Variants in TRIM5 observed in about 807,000 individuals in gnomAD.
TRIM5 encodes the protein tripartite motif containing 5.
Under a neutral mutation model 35.6 loss-of-function variants are expected in TRIM5, and 31 were observed. The ratio of observed to expected loss-of-function variants is 0.87; its 90% CI spans 0.65 to 1.18. The LOEUF (loss-of-function observed/expected upper bound fraction) is 1.18. Among genes scored for constraint, TRIM5 ranks in the 50% most tolerant of loss-of-function variants. The probability of loss-of-function intolerance (pLI) is 0.00; values close to 1 mark genes in which losing one functional copy is unlikely to be tolerated. For missense variants in TRIM5, 609 were observed against 591.6 expected, an observed-to-expected ratio of 1.03 and a Z score of -0.31; for synonymous variants, 243 against 215.6, an observed-to-expected ratio of 1.13 and a Z score of -1.11.
the TRIM5 span, among the ~76,000 whole-genome samples, chr11:5,607,073 G>A: frequency 1.3e-5 from 2 of 151,908 alleles, no homozygotes; most frequent in East Asian, 1.9e-4. Flanking sequence ...GCGTGGTGGC[G>A]GGCGCCTGTA....
At chr11:5,598,079 T>G in the TRIM5 span, among the ~76,000 whole-genome samples, 11 of 152,186 alleles carry the variant, frequency 7.2e-5, no homozygotes, top group African/African-American at 2.4e-4. Context: ...GGCTCTTTCT[T>G]CTGCTAATTT....
the TRIM5 span, among the ~76,000 whole-genome samples, chr11:5,618,567 T>C: frequency 6.6e-6 from 1 of 152,058 alleles, no homozygotes; most frequent in African/African-American, 2.4e-5. Context: ...CAAAATAAAA[T>C]CATTTCATAT....
chr11:5,665,199 G>A lies in TRIM5; in HGVS notation c.1092C>T (p.Asp364=), dbSNP rs771111675. ...ITSGKHYWEV[D]VSKKTAWILG... The stretch of plus-strand genomic sequence containing the variant: ...GGATCCAAGCAGTTTTCTTGGACAC[G>A]TCTACCTCCCAGTAATGTTTCCCTG... The change falls in exon 8 of 8, where the codon GAC becomes GAT. Residue 364 remains aspartate (D), a synonymous_variant. Coordinates refer to ENST00000380034, the MANE Select transcript of TRIM5 (RefSeq NM_033034.3). The A allele has an allele frequency of 8.1e-6, 13 of 1,613,970 alleles. No homozygotes were observed. The highest frequency in any genetic ancestry group is 3.3e-5 in the South Asian group (3 of 91,068).
At chr11:5,676,725 A>C (rs1300125125) in intron 4 of TRIM5, among the ~76,000 whole-genome samples, 1 of 149,882 alleles carries the variant, frequency 6.7e-6, no homozygotes, top group East Asian at 1.9e-4. Flanking sequence ...ACAGTAACCA[A>C]AACAGCATGG....
chr11:5,682,142 G>A (rs1209880514), intron 1 of TRIM5, among the ~76,000 whole-genome samples: 3 of 152,024 alleles, frequency 2.0e-5, no homozygotes, highest in East Asian at 2.0e-4. Context: ...GGTGGCTCAC[G>A]CTTGTAATCC....
At chr11:5,650,017 C>T in the TRIM5 span, among the ~76,000 whole-genome samples, 1 of 152,168 alleles carries the variant, frequency 6.6e-6, no homozygotes. Context: ...CCCTTTGCTA[C>T]ACTTTATTTC....
the TRIM5 span, chr11:5,643,224 A>G: frequency 6.2e-7 from 1 of 1,613,468 alleles, no homozygotes; most frequent in Non-Finnish European, 8.5e-7. Context: ...ATCTGTGCCA[A>G]TTTGGCCTTT....
At chr11:5,611,789 T>TGC in the TRIM5 span, 1 of 165,944 alleles carries the variant, frequency 6.0e-6, no homozygotes. Context: ...AGTACTAGGA[T>TGC]GCACCCAGTG....
the TRIM5 span, among the ~76,000 whole-genome samples, chr11:5,636,593 C>A: frequency 6.6e-6 from 1 of 152,160 alleles, no homozygotes; most frequent in South Asian, 2.1e-4. Context: ...AAGCTCTTCA[C>A]AACCCTTTGA....
At chr11:5,657,027 CA>C in the TRIM5 span, among the ~76,000 whole-genome samples, 4 of 152,176 alleles carry the variant, frequency 2.6e-5, no homozygotes, top group Non-Finnish European at 5.9e-5. Context: ...TTTATTGCAG[CA>C]CTATTCACAA....
the TRIM5 span, among the ~76,000 whole-genome samples, chr11:5,647,217 A>G: frequency 6.6e-6 from 1 of 152,194 alleles, no homozygotes; most frequent in East Asian, 1.9e-4. Flanking sequence ...ATGAATACCA[A>G]ACTAATAGTG....
the TRIM5 span, chr11:5,643,715 C>T: frequency 2.0e-5 from 31 of 1,568,194 alleles, no homozygotes; most frequent in Non-Finnish European, 2.5e-5. Flanking sequence ...CTTGAATTTT[C>T]TCATTTCTTC....
the TRIM5 span, among the ~76,000 whole-genome samples, chr11:5,639,446 C>T: frequency 5.3e-5 from 8 of 151,610 alleles, no homozygotes; most frequent in Non-Finnish European, 7.4e-5. Flanking sequence ...TTTGGGAGAC[C>T]GAAGAGGGCG....
chr11:5,615,433 T>G, the TRIM5 span, among the ~76,000 whole-genome samples: 1 of 151,462 alleles, frequency 6.6e-6, no homozygotes, highest in Non-Finnish European at 1.5e-5. Context: ...GTAAGGAGCA[T>G]ACACATTTAG....
At chr11:5,628,384 G>A in the TRIM5 span, among the ~76,000 whole-genome samples, 1 of 152,240 alleles carries the variant, frequency 6.6e-6, no homozygotes, top group Admixed American at 6.5e-5. Context: ...TAAACTCCTT[G>A]TCTTACTAGT....
In TRIM5 at chr11:5,680,051, G is replaced by A. The variant is rs3740996; in HGVS notation, c.127C>T (p.His43Tyr). ...CCTTTGTCTAGCATGGACTTCTTGT[G>A]GTTTGCAGTGAGGCATGCTTGGCAG... ...SFCQACLTAN[H>Y]KKSMLDKGES... Residue 43 changes from histidine (H) to tyrosine (Y), a missense_variant, in exon 2 of 8, where the codon CAC (histidine) becomes TAC (tyrosine). Physicochemically the swap from His to Tyr is moderately conservative, Grantham distance 83 (BLOSUM62 2). Transcript: ENST00000380034. 0.12 allele frequency: 199,045 copies of A among 1,613,938 alleles called. 12,925 individuals are homozygous for A. The highest frequency in any genetic ancestry group is 0.17 in the East Asian group (7,679 of 44,850).
At chr11:5,670,702 G>A (rs985062744) in intron 4 of TRIM5, among the ~76,000 whole-genome samples, 4 of 152,194 alleles carry the variant, frequency 2.6e-5, no homozygotes, top group Non-Finnish European at 5.9e-5. Context: ...TTCATCAGGA[G>A]ACGACAGAAG....
chr11:5,590,553 C>T, the TRIM5 span: 4 of 152,204 alleles, frequency 2.6e-5, no homozygotes, highest in Non-Finnish European at 5.9e-5. Flanking sequence ...TCTAACTAAT[C>T]TGATGGGGAC....
chr11:5,658,038 C>T, the TRIM5 span, among the ~76,000 whole-genome samples: 1 of 152,174 alleles, frequency 6.6e-6, no homozygotes, highest in Non-Finnish European at 1.5e-5. Flanking sequence ...AAAGCCTCCA[C>T]TCCTGGGGCC....
Sources: gnomAD v4.1 joint callset for allele counts (sites outside exome capture counted in the v4.1 genomes callset) on GRCh38, gnomAD v4.1.1 for gene constraint, MANE v1.5 for transcripts, NCBI Gene and HGNC (gene_info 2026-07-23, HGNC 2026-07-21) for gene names.